Variants in METAP1 observed in about 807,000 individuals in gnomAD.
METAP1 encodes the protein methionyl aminopeptidase 1.
METAP1 carries 28 observed loss-of-function variants against 53.8 expected under a neutral mutation model. The ratio of observed to expected loss-of-function variants is 0.52; its 90% CI spans 0.39 to 0.71. The LOEUF is 0.71. METAP1 is among the 30% of genes least tolerant of loss of function. The probability of loss-of-function intolerance (pLI) is 0.00; values close to 1 mark genes in which losing one functional copy is unlikely to be tolerated. For synonymous variants in METAP1, 181 were observed against 165.7 expected, an observed-to-expected ratio of 1.09 and a Z score of -0.71; for missense variants, 389 against 479.8, an observed-to-expected ratio of 0.81 and a Z score of 1.77.
intron 9 of METAP1, among the ~76,000 whole-genome samples, chr4:99,049,656 C>T (rs1381849255): frequency 6.6e-6 from 1 of 152,128 alleles, no homozygotes; most frequent in East Asian, 1.9e-4. Context: ...AAGCTGTCCA[C>T]AGTAAGTGAC....
chr4:99,004,435 C>T (rs1006573175), intron 1 of METAP1, among the ~76,000 whole-genome samples: 8 of 145,120 alleles, frequency 5.5e-5, no homozygotes, highest in African/African-American at 2.0e-4. Flanking sequence ...AGCCAAGGAA[C>T]TGTGGACAGA....
chr4:98,996,316 G>T (rs945569519), intron 1 of METAP1, among the ~76,000 whole-genome samples: 1 of 152,224 alleles, frequency 6.6e-6, no homozygotes, highest in South Asian at 2.1e-4. Flanking sequence ...TGGAGGCGCC[G>T]GGCCGTCCGT....
chr4:99,045,362 A>G (rs1466413976), intron 8 of METAP1, 52 bp downstream of exon 8: 6 of 1,600,250 alleles, frequency 3.7e-6, no homozygotes, highest in Admixed American at 1.7e-5. Flanking sequence ...TGATGGGCCA[A>G]GAATGACTGG....
In METAP1 at chr4:99,049,428, G is replaced by C. The variant is rs540690342; in HGVS notation, c.931+552G>C. 2.0e-5 allele frequency among the ~76,000 whole-genome samples: 3 copies of C among 152,316 alleles called. No individual in the cohort carries two copies. The East Asian group carries it at 5.8e-4, about 29-fold the overall frequency. ...TCTTCTGATTCCTTAGGTGAAGTCA[G>C]TTCGTCTTGCTTGGTTTGAGTGTTT... On this transcript the variant is annotated intron_variant, in intron 9 of 10. Coordinates refer to ENST00000296411, the MANE Select transcript of METAP1 (RefSeq NM_015143.3).
At chr4:99,029,594 A>G (rs1724844980) in intron 2 of METAP1, among the ~76,000 whole-genome samples, 1 of 152,188 alleles carries the variant, frequency 6.6e-6, no homozygotes, top group South Asian at 2.1e-4. Context: ...TCTGTTCTAT[A>G]TAGCATTGCC....
intron 1 of METAP1, among the ~76,000 whole-genome samples, chr4:99,009,084 G>A (rs1685526232): frequency 6.6e-6 from 1 of 152,080 alleles, no homozygotes; most frequent in South Asian, 2.1e-4. Context: ...CTTTCTGTAG[G>A]AATTTGACTA....
chr4:99,033,355 G>A (rs1267200937), intron 2 of METAP1, among the ~76,000 whole-genome samples: 1 of 152,034 alleles, frequency 6.6e-6, no homozygotes, highest in Non-Finnish European at 1.5e-5. Context: ...TGCACTGGGA[G>A]ATGTTTAGGC....
intron 1 of METAP1, among the ~76,000 whole-genome samples, chr4:99,011,267 C>T (rs183656897): frequency 3.9e-4 from 59 of 152,142 alleles, no homozygotes; most frequent in African/African-American, 1.4e-3. Context: ...CTGTCTTTCA[C>T]CATTGAGTTT....
At chr4:99,001,484 C>A (rs1199738140) in intron 1 of METAP1, among the ~76,000 whole-genome samples, 1 of 152,176 alleles carries the variant, frequency 6.6e-6, no homozygotes. Flanking sequence ...TTCATGTGCA[C>A]ACAGTTGTGT....
intron 1 of METAP1, among the ~76,000 whole-genome samples, chr4:99,006,558 T>G (rs1387584682): frequency 6.6e-6 from 1 of 152,178 alleles, no homozygotes; most frequent in Non-Finnish European, 1.5e-5. Flanking sequence ...CAGCAAACAT[T>G]TTCTAATGAC....
intron 5 of METAP1, 22 bp from the exon 6 acceptor site, chr4:99,041,021 A>G: frequency 1.3e-6 from 2 of 1,579,050 alleles, no homozygotes; most frequent in Non-Finnish European, 1.7e-6. Context: ...TTTTTAATGT[A>G]TTGAGTGTTC....
chr4:99,031,769 A>T (rs2110339121), intron 2 of METAP1: 1 of 445,002 alleles, frequency 2.2e-6, no homozygotes. Context: ...ATTTTGTGTC[A>T]GCTGACCAGA....
intron 1 of METAP1, among the ~76,000 whole-genome samples, chr4:99,015,605 G>T (rs1723714092): frequency 6.6e-6 from 1 of 152,200 alleles, no homozygotes; most frequent in Non-Finnish European, 1.5e-5. Context: ...TCCAACTGCT[G>T]CAAGGCTGCC....
chr4:99,023,800 C>G (rs1025215921), intron 1 of METAP1: 21 of 982,890 alleles, frequency 2.1e-5, no homozygotes, highest in Non-Finnish European at 2.4e-5. Context: ...GTAGTGTAAC[C>G]ATACAATGGG....
chr4:99,021,942 G>C (rs903118016), intron 1 of METAP1, among the ~76,000 whole-genome samples: 1 of 152,126 alleles, frequency 6.6e-6, no homozygotes. Flanking sequence ...ACATTTAACC[G>C]GGGAATGATA....
intron 1 of METAP1, among the ~76,000 whole-genome samples, chr4:98,999,998 G>A (rs1560688903): frequency 6.6e-6 from 1 of 152,072 alleles, no homozygotes; most frequent in Non-Finnish European, 1.5e-5. Context: ...CAGAGGGTGT[G>A]TTTTACTCAT....
chr4:98,997,536 A>G (rs922284783), intron 1 of METAP1: 2 of 154,700 alleles, frequency 1.3e-5, no homozygotes, highest in Non-Finnish European at 2.9e-5. Flanking sequence ...TGCTTTTGAC[A>G]GTTGTACCAT....
chr4:99,034,460 G>A (rs183544781), intron 3 of METAP1, 118 bp downstream of exon 3: 12 of 666,910 alleles, frequency 1.8e-5, no homozygotes, highest in East Asian at 1.5e-4. Context: ...AAAGGAACTC[G>A]AATTTTAGCT....
chr4:98,999,842 C>T (rs1373042051), intron 1 of METAP1, among the ~76,000 whole-genome samples: 5 of 151,962 alleles, frequency 3.3e-5, no homozygotes, highest in Non-Finnish European at 7.4e-5. Context: ...AGCTTTTGTT[C>T]TTTAGAGGAG....
Sources: allele counts gnomAD v4.1 joint callset (sites outside exome capture counted in the v4.1 genomes callset), GRCh38; gene constraint gnomAD v4.1.1; transcripts MANE v1.5; gene names NCBI Gene and HGNC (gene_info 2026-07-23, HGNC 2026-07-21).